The following NEK11 variants were observed in gnomAD, a reference collection of about 807,000 sequenced individuals.
NEK11 encodes the protein NIMA related kinase 11, also known as serine/threonine-protein kinase Nek11.
A neutral mutation model predicts 80.7 loss-of-function variants in NEK11; 72 were observed. The observed-to-expected ratio is 0.89, with a 90% CI of 0.74 to 1.08. The LOEUF is 1.08. NEK11 is among the 50% of genes least tolerant of loss of function. The probability of loss-of-function intolerance (pLI) is 0.00; values close to 1 mark genes in which losing one functional copy is unlikely to be tolerated. For missense variants in NEK11, 764 were observed against 763.6 expected (o/e 1.00, Z -0.01); for synonymous variants, 251 against 260.7 (o/e 0.96, Z 0.36).
Position 131,063,806 on chromosome 3 carries a change from C to T in NEK11, c.171-16617C>T, listed in dbSNP as rs138030751. On this transcript the variant is annotated intron_variant, in intron 3 of 17. Coordinates refer to ENST00000383366, the MANE Select transcript of NEK11 (RefSeq NM_024800.5). ...TACAAGTGTAAAATTACCCGTATGA[C>T]CTAGCAATTCCATTCCTAGGTACAT... Among the ~76,000 whole-genome samples, 369 of 152,270 alleles carry T rather than the reference C, an allele frequency of 2.4e-3. 3 individuals carry two copies. The highest frequency in any genetic ancestry group is 3.9e-3 in the South Asian group (19 of 4,820).
chr3:131,214,769 A>T (rs2094761868), intron 14 of NEK11, among the ~76,000 whole-genome samples: 1 of 151,802 alleles, frequency 6.6e-6, no homozygotes, highest in African/African-American at 2.4e-5. Context: ...AAATATAGAG[A>T]TGTCACTTAG....
At chr3:131,107,625 C>T (rs1239179268) in intron 4 of NEK11, among the ~76,000 whole-genome samples, 2 of 152,072 alleles carry the variant, frequency 1.3e-5, no homozygotes, top group Non-Finnish European at 2.9e-5. Context: ...CCCTGCAGAA[C>T]CTTCATATAT....
chr3:131,336,845 C>A (rs2097193934), intron 17 of NEK11, among the ~76,000 whole-genome samples: 1 of 152,138 alleles, frequency 6.6e-6, no homozygotes, highest in Non-Finnish European at 1.5e-5. Context: ...ATTTATGCAG[C>A]CAAAAGACAC....
intron 14 of NEK11, among the ~76,000 whole-genome samples, chr3:131,207,099 C>T (rs1310092478): frequency 6.6e-6 from 1 of 152,182 alleles, no homozygotes; most frequent in Non-Finnish European, 1.5e-5. Flanking sequence ...CAAGTCTTTG[C>T]TATTGTGAAT....
At chr3:131,214,778 A>C (rs2094762247) in intron 14 of NEK11, among the ~76,000 whole-genome samples, 1 of 151,954 alleles carries the variant, frequency 6.6e-6, no homozygotes, top group Non-Finnish European at 1.5e-5. Flanking sequence ...GATGTCACTT[A>C]GAGAGGCACT....
At chr3:131,227,065 A>G (rs1437009229) in intron 14 of NEK11, among the ~76,000 whole-genome samples, 1 of 151,840 alleles carries the variant, frequency 6.6e-6, no homozygotes, top group African/African-American at 2.4e-5. Flanking sequence ...AAAAAAAAAT[A>G]CGCTGTGTTG....
At chr3:131,116,276 T>C (rs1300273409) in intron 5 of NEK11, among the ~76,000 whole-genome samples, 1 of 152,076 alleles carries the variant, frequency 6.6e-6, no homozygotes, top group Non-Finnish European at 1.5e-5. Context: ...GTTTCCAGCT[T>C]CTTCCATGTC....
At chr3:131,111,561 T>C (rs974302647) in intron 5 of NEK11, among the ~76,000 whole-genome samples, 3 of 152,166 alleles carry the variant, frequency 2.0e-5, no homozygotes, top group Non-Finnish European at 4.4e-5. Flanking sequence ...CTATAAGCCA[T>C]GCACCATGGT....
At chr3:131,066,264 A>G (rs1342878582) in intron 3 of NEK11, among the ~76,000 whole-genome samples, 1 of 152,202 alleles carries the variant, frequency 6.6e-6, no homozygotes, top group Non-Finnish European at 1.5e-5. Flanking sequence ...TTTAATCAGC[A>G]GTTCTTCAAT....
chr3:131,167,462 TTACC>T (rs2092332483), intron 12 of NEK11, among the ~76,000 whole-genome samples: 1 of 152,252 alleles, frequency 6.6e-6, no homozygotes. Context: ...GATAATTTAC[TTACC>T]TTTTTTGCTT....
At chr3:131,193,331 G>A (rs1204932314) in intron 14 of NEK11, among the ~76,000 whole-genome samples, 1 of 152,100 alleles carries the variant, frequency 6.6e-6, no homozygotes, top group Admixed American at 6.6e-5. Flanking sequence ...AGTGAAAAAG[G>A]CAAATAACAT....
At chr3:131,159,431 G>C (rs2091225745) in intron 10 of NEK11, among the ~76,000 whole-genome samples, 1 of 152,200 alleles carries the variant, frequency 6.6e-6, no homozygotes, top group African/African-American at 2.4e-5. Flanking sequence ...AGCTAGTATA[G>C]AAAAGAATGT....
intron 17 of NEK11, among the ~76,000 whole-genome samples, chr3:131,320,139 T>G (rs898230396): frequency 1.3e-5 from 2 of 152,094 alleles, no homozygotes; most frequent in Non-Finnish European, 2.9e-5. Context: ...AAATAATTTC[T>G]GCAGTACCTT....
At chr3:131,291,143 A>C (rs1365980844) in intron 17 of NEK11, among the ~76,000 whole-genome samples, 1 of 151,944 alleles carries the variant, frequency 6.6e-6, no homozygotes, top group African/African-American at 2.4e-5. Flanking sequence ...CTGTCTCCAC[A>C]GTTTTGCCTT....
rs535984562 is a variant in NEK11, at chr3:131,039,808, G to A, written c.170+9930G>A. Reference sequence around the variant, plus strand: ...TTACTCTTCAACTGATTTTCCTGGGGAAAAAAGCTTAGTTGCCATAACATC... The same window carrying A: ...TTACTCTTCAACTGATTTTCCTGGGAAAAAAAGCTTAGTTGCCATAACATC... On this transcript the variant is annotated intron_variant, in intron 3 of 17. Coordinates refer to ENST00000383366, the MANE Select transcript of NEK11 (RefSeq NM_024800.5). Among the ~76,000 whole-genome samples, 1,127 of 152,224 alleles carry A rather than the reference G, an allele frequency of 7.4e-3. 11 individuals are homozygous for A. Among genetic ancestry groups the A allele is most frequent in the Non-Finnish European group, 0.01 (694 of 68,002 alleles).
intron 10 of NEK11, among the ~76,000 whole-genome samples, chr3:131,160,425 G>A (rs1344122005): frequency 2.0e-5 from 3 of 152,104 alleles, no homozygotes. Flanking sequence ...CCTCCTGAAG[G>A]AAGCACTAAA....
At chr3:131,083,222 T>C (rs1426240113) in intron 4 of NEK11, among the ~76,000 whole-genome samples, 6 of 152,252 alleles carry the variant, frequency 3.9e-5, no homozygotes, top group African/African-American at 1.4e-4. Context: ...CTGAATTACA[T>C]TCTTAGAAGG....
At chr3:131,170,178 T>TACAC (rs751325198) in intron 13 of NEK11, among the ~76,000 whole-genome samples, 1 of 151,846 alleles carries the variant, frequency 6.6e-6, no homozygotes, top group African/African-American at 2.4e-5. Context: ...CAAACACAAA[T>TACAC]ACACACACAC....
intron 16 of NEK11, among the ~76,000 whole-genome samples, chr3:131,267,247 A>T (rs1159221068): frequency 6.6e-6 from 1 of 152,100 alleles, no homozygotes; most frequent in South Asian, 2.1e-4. Flanking sequence ...CTAGCTCTTT[A>T]TTTTGCTCAT....
Sources: gnomAD v4.1 joint callset for allele counts (sites outside exome capture counted in the v4.1 genomes callset) on GRCh38, gnomAD v4.1.1 for gene constraint, MANE v1.5 for transcripts, NCBI Gene and HGNC (gene_info 2026-07-23, HGNC 2026-07-21) for gene names.